Variants in ODAPH observed in about 807,000 individuals in gnomAD.
ODAPH encodes the protein odontogenesis associated phosphoprotein, also known as amelogenesis imperfecta type IIA4.
Under a neutral mutation model 2.8 loss-of-function variants are expected in ODAPH, and 2 were observed. That is an observed-to-expected ratio of 0.72 (90% CI 0.30 to 2.28). The LOEUF is 2.28. Ranked by LOEUF, ODAPH falls within the 30% of genes most tolerant of loss-of-function variation. The pLI, the probability that ODAPH is intolerant of heterozygous loss-of-function variation, is 0.13. For missense variants in ODAPH, 159 were observed against 163.3 expected (o/e 0.97, Z 0.14); for synonymous variants, 75 against 60.3 (o/e 1.24, Z -1.13).
chr4:75,561,980 T>C (rs1727594667), intron 1 of ODAPH, among the ~76,000 whole-genome samples: 1 of 152,188 alleles, frequency 6.6e-6, no homozygotes, highest in African/African-American at 2.4e-5. Flanking sequence ...CTTCTCTGCA[T>C]TCTCAACATT....
Position 75,564,326 on chromosome 4 carries a change from AGG to A in ODAPH, c.281_282del (p.Arg94MetfsTer2). On this transcript the variant is annotated frameshift_variant, in exon 2 of 2. Coordinates refer to ENST00000311623, the MANE Select transcript of ODAPH (RefSeq NM_178497.5). LOFTEE classifies it low-confidence loss of function (END_TRUNC). Reference sequence around the variant, plus strand: ...TCCAAACAGACCTTTCGTCCCTTCAAGGTGTAACCACCGTTTTCCATTCCAGC... The same window carrying A: ...TCCAAACAGACCTTTCGTCCCTTCAATGTAACCACCGTTTTCCATTCCAGC... Reference protein sequence around the residue: ...RFPNRPFVPSRCNHRFPFQPF... With the variant: ...RFPNRPFVPSXCNHRFPFQPF... 1 of 1,614,176 alleles carries A rather than the reference AGG, an allele frequency of 6.2e-7. No homozygotes were observed. Among genetic ancestry groups the A allele is most frequent in the Non-Finnish European group, 8.5e-7 (1 of 1,180,032 alleles).
At chr4:75,556,300 A>T in intron 1 of ODAPH, 151 bp downstream of exon 1, 1 of 869,076 alleles carries the variant, frequency 1.2e-6, no homozygotes, top group Non-Finnish European at 1.8e-6. Context: ...AGGAAGTTGG[A>T]TTTTGTCACC....
At position 75,564,205 on chromosome 4, in the gene ODAPH, C is replaced by T. The variant is rs986965160; in HGVS notation, c.159C>T (p.Ala53=). 7 of 1,614,058 alleles carry T rather than the reference C, an allele frequency of 4.3e-6. No homozygotes were observed. The highest frequency in any genetic ancestry group is 5.9e-6 in the Non-Finnish European group (7 of 1,180,034). Residue 53 remains alanine, a synonymous_variant, in exon 2 of 2, where the codon GCC becomes GCT. Coordinates refer to ENST00000311623, the MANE Select transcript of ODAPH (RefSeq NM_178497.5). ...TCTTTACACTCACCCCTCCACCTGCCCCGAGGAGTCCGGTCACAAGGGCCC... is the reference window on the plus strand; with the variant it reads ...TCTTTACACTCACCCCTCCACCTGCTCCGAGGAGTCCGGTCACAAGGGCCC... ...CQIFTLTPPP[A]PRSPVTRAQP...
At chr4:75,565,857 T>C (rs985296988), downstream of ODAPH, 2 of 152,186 alleles carry the variant, frequency 1.3e-5, no homozygotes, top group African/African-American at 4.8e-5. Context: ...GTTTCTTTGC[T>C]TTATTAAAAT....
Position 75,562,019 on chromosome 4 carries a change from C to A in ODAPH, c.68-2095C>A, listed in dbSNP as rs528256175. ...CAGGACAAAACCTGACACTCCAGCC[C>A]CTGCCCTACACCTTCCACTGACGTC... On this transcript the variant is annotated intron_variant, in intron 1 of 1. Transcript: ENST00000311623. 1.3e-4 allele frequency among the ~76,000 whole-genome samples: 20 copies of A among 152,284 alleles called. No homozygotes were observed. The South Asian group carries it at 4.1e-3, about 32-fold the overall frequency.
chr4:75,556,236 C>T, intron 1 of ODAPH, 87 bp downstream of exon 1: 1 of 1,291,466 alleles, frequency 7.7e-7, no homozygotes. Flanking sequence ...TTATACGTTC[C>T]CATAAATTGG....
Position 75,563,035 on chromosome 4 carries a change from T to G in ODAPH, c.68-1079T>G, listed in dbSNP as rs1386391845. On this transcript the variant is annotated intron_variant, in intron 1 of 1. Transcript: ENST00000311623. ...TTTTTTTTTTTTTTTTTTTTTTTTT[T>G]TTTTTTTGAGACAGAGTCTCGCTCT... is the stretch of plus-strand genomic sequence containing the variant. Among the ~76,000 whole-genome samples the G allele has an allele frequency of 5.0e-4, 48 of 96,546 alleles. 2 individuals are homozygous for G. The highest frequency in any genetic ancestry group is 1.9e-3 in the Admixed American group (17 of 8,942). 63.3% of individuals were successfully genotyped at this position (96,546 alleles called of 152,430 possible).
At chr4:75,562,197 T>C (rs1320513365) in intron 1 of ODAPH, among the ~76,000 whole-genome samples, 5 of 152,094 alleles carry the variant, frequency 3.3e-5, no homozygotes, top group Admixed American at 3.3e-4. Flanking sequence ...TGAAACAGAA[T>C]ATATGTATGA....
intron 1 of ODAPH, among the ~76,000 whole-genome samples, 178 bp downstream of exon 1, chr4:75,556,327 C>T (rs982343351): frequency 1.3e-5 from 2 of 152,148 alleles, no homozygotes; most frequent in Non-Finnish European, 2.9e-5. Flanking sequence ...CCTTGGTCCT[C>T]GTCTCAGCAA....
At chr4:75,565,034 T>C (rs552684860), downstream of ODAPH, 8 of 159,172 alleles carry the variant, frequency 5.0e-5, no homozygotes, top group South Asian at 1.4e-3. Context: ...TTCACTCTTG[T>C]TACCCAGGCT....
downstream of ODAPH, chr4:75,565,413 G>A (rs905250275): frequency 1.3e-5 from 2 of 152,066 alleles, no homozygotes; most frequent in African/African-American, 4.8e-5. Flanking sequence ...ATAGATGCTG[G>A]CTAAAATAAT....
chr4:75,563,823 C>T (rs1161981695), intron 1 of ODAPH, among the ~76,000 whole-genome samples: 1 of 152,144 alleles, frequency 6.6e-6, no homozygotes, highest in Non-Finnish European at 1.5e-5. Context: ...TTGATGGACA[C>T]TTAGATTGTT....
intron 1 of ODAPH, among the ~76,000 whole-genome samples, chr4:75,558,718 G>T (rs1727446596): frequency 6.6e-6 from 1 of 152,004 alleles, no homozygotes; most frequent in African/African-American, 2.4e-5. Flanking sequence ...GTTTGAGACA[G>T]GGTCTCCCTC....
At chr4:75,561,777 G>A (rs1227685683) in intron 1 of ODAPH, among the ~76,000 whole-genome samples, 1 of 151,410 alleles carries the variant, frequency 6.6e-6, no homozygotes, top group South Asian at 2.1e-4. Flanking sequence ...AACCCAGGAG[G>A]TGGAGGCTGC....
chr4:75,560,710 A>C (rs1191272798), intron 1 of ODAPH, among the ~76,000 whole-genome samples: 1 of 152,242 alleles, frequency 6.6e-6, no homozygotes, highest in African/African-American at 2.4e-5. Flanking sequence ...ACTACTGGAC[A>C]TCCCAGAGTC....
intron 1 of ODAPH, among the ~76,000 whole-genome samples, chr4:75,563,607 G>A (rs997066760): frequency 6.6e-6 from 1 of 151,914 alleles, no homozygotes; most frequent in African/African-American, 2.4e-5. Context: ...TTATTATTTT[G>A]ACTTTTTCTT....
chr4:75,565,246 C>T (rs947164803), downstream of ODAPH: 1 of 152,232 alleles, frequency 6.6e-6, no homozygotes, highest in Non-Finnish European at 1.5e-5. Context: ...GATCCACCCA[C>T]CTCGGCCTCC....
At chr4:75,556,232 G>A (rs149576349) in intron 1 of ODAPH, 83 bp downstream of exon 1, 21 of 1,307,986 alleles carry the variant, frequency 1.6e-5, no homozygotes, top group South Asian at 2.4e-5. Flanking sequence ...ATGATTATAC[G>A]TTCCCATAAA....
chr4:75,559,304 A>G (rs755535546), intron 1 of ODAPH, among the ~76,000 whole-genome samples: 10 of 152,262 alleles, frequency 6.6e-5, no homozygotes, highest in Non-Finnish European at 1.2e-4. Context: ...GAATGTTTCC[A>G]TAACATTCAA....
Sources: allele counts gnomAD v4.1 joint callset (sites outside exome capture counted in the v4.1 genomes callset), GRCh38; gene constraint gnomAD v4.1.1; transcripts MANE v1.5; gene names NCBI Gene and HGNC (gene_info 2026-07-23, HGNC 2026-07-21).